TAF2: variants seen among roughly 807,000 people sequenced by gnomAD.
TAF2 encodes the protein transcription initiation factor TFIID subunit 2.
Under a neutral mutation model 138.5 loss-of-function variants are expected in TAF2, and 61 were observed. That is an observed-to-expected ratio of 0.44 (90% CI 0.36 to 0.54). The LOEUF (loss-of-function observed/expected upper bound fraction) is 0.54, where lower values mean the gene tolerates loss of function less well. Among genes scored for constraint, TAF2 ranks in the 20% least tolerant of loss-of-function variants. TAF2 has a pLI of 0.00. For missense variants in TAF2, 1,090 were observed against 1,427.9 expected (o/e 0.76, Z 3.81); for synonymous variants, 475 against 469.9 (o/e 1.01, Z -0.14).
At chr8:119,755,855 C>A in intron 22 of TAF2, 151 bp downstream of exon 22, 2 of 635,140 alleles carry the variant, frequency 3.1e-6, no homozygotes, top group South Asian at 1.9e-5. Flanking sequence ...GTTATCACAG[C>A]CACCACTGTG....
intron 3 of TAF2, among the ~76,000 whole-genome samples, chr8:119,817,474 G>C (rs1172392077): frequency 6.6e-6 from 1 of 152,036 alleles, no homozygotes; most frequent in East Asian, 1.9e-4. Context: ...CTGCCCCCCT[G>C]GTCCGTGGAA....
intron 12 of TAF2, 45 bp downstream of exon 12, chr8:119,789,547 C>G (rs1338820337): frequency 1.2e-6 from 2 of 1,608,444 alleles, no homozygotes; most frequent in Admixed American, 3.3e-5. Context: ...GCACACATAC[C>G]TTATTCCCTT....
chr8:119,811,728 C>T (rs1193066307), intron 3 of TAF2, among the ~76,000 whole-genome samples: 1 of 150,032 alleles, frequency 6.7e-6, no homozygotes, highest in African/African-American at 2.5e-5. Context: ...ATGGCATGAA[C>T]CCAAGAGGCG....
chr8:119,742,803 T>C, intron 24 of TAF2, 147 bp from the exon 25 acceptor site: 1 of 1,142,416 alleles, frequency 8.8e-7, no homozygotes, highest in Non-Finnish European at 1.2e-6. Context: ...GAATACTAGC[T>C]GGGTGGAGTG....
intron 18 of TAF2, among the ~76,000 whole-genome samples, chr8:119,773,638 T>G (rs1822003254): frequency 1.3e-5 from 2 of 151,498 alleles, no homozygotes; most frequent in Non-Finnish European, 2.9e-5. Context: ...AAATAACTTC[T>G]AAAATAATGA....
intron 5 of TAF2, among the ~76,000 whole-genome samples, chr8:119,803,096 G>A (rs1164903834): frequency 5.3e-5 from 8 of 152,136 alleles, no homozygotes; most frequent in Non-Finnish European, 1.0e-4. Context: ...GGACAACAGA[G>A]TGAGACTCTG....
At chr8:119,822,105 T>C (rs1202542329) in intron 2 of TAF2, among the ~76,000 whole-genome samples, 2 of 152,176 alleles carry the variant, frequency 1.3e-5, no homozygotes, top group Admixed American at 1.3e-4. Context: ...ATGCTTTTGT[T>C]ATTCTTTTCT....
At chr8:119,811,344 T>A in intron 3 of TAF2, among the ~76,000 whole-genome samples, 1 of 152,058 alleles carries the variant, frequency 6.6e-6, no homozygotes, top group South Asian at 2.1e-4. Flanking sequence ...TTGTAAACTT[T>A]CCCTCTATTT....
At chr8:119,788,221 AC>A (rs1823163223) in intron 14 of TAF2, 116 bp downstream of exon 14, 1 of 862,984 alleles carries the variant, frequency 1.2e-6, no homozygotes, top group South Asian at 1.4e-5. Flanking sequence ...CATGTATCCC[AC>A]AACTTAAAGT....
At chr8:119,814,611 C>T (rs574015667) in intron 3 of TAF2, among the ~76,000 whole-genome samples, 10 of 151,664 alleles carry the variant, frequency 6.6e-5, no homozygotes, top group Admixed American at 2.6e-4. Flanking sequence ...AAGGGCTTCT[C>T]GGCTGGATGT....
chr8:119,831,935 C>A (rs779542417), intron 1 of TAF2, among the ~76,000 whole-genome samples: 2 of 151,956 alleles, frequency 1.3e-5, no homozygotes, highest in Non-Finnish European at 2.9e-5. Flanking sequence ...CCACGGCAAG[C>A]GGATCACGAG....
At chr8:119,732,711 G>C (rs1369706743) in intron 25 of TAF2, among the ~76,000 whole-genome samples, 2 of 152,124 alleles carry the variant, frequency 1.3e-5, no homozygotes, top group African/African-American at 4.8e-5. Context: ...GGCTGAGGTA[G>C]GAGAATCACT....
In TAF2 at chr8:119,797,703, A is replaced by G; in HGVS notation, c.936T>C (p.Ala312=). The G allele has an allele frequency of 6.2e-7, 1 of 1,613,592 alleles. No homozygotes were observed. Among genetic ancestry groups the G allele is most frequent in the Middle Eastern group, 1.7e-4 (1 of 6,058 alleles). The change falls in exon 7 of 26, where the codon GCT becomes GCC. Residue 312 remains alanine (A), a synonymous_variant. Coordinates refer to ENST00000378164, the MANE Select transcript of TAF2 (RefSeq NM_003184.4). The part of the protein sequence containing the change: ...SCFKTVFIDE[A]YVEVAAYASM... Reference sequence around the variant, plus strand: ...AAGCATAAGCAGCCACTTCAACATAAGCCTCATCAATGAAGACAGTCTTAA... The same window carrying G: ...AAGCATAAGCAGCCACTTCAACATAGGCCTCATCAATGAAGACAGTCTTAA...
chr8:119,814,979 C>T lies in TAF2; in HGVS notation c.299+4367G>A, dbSNP rs142604670. 7.6e-3 allele frequency among the ~76,000 whole-genome samples: 1,149 copies of T among 150,926 alleles called. 16 individuals carry two copies. Among genetic ancestry groups the T allele is most frequent in the African/African-American group, 0.026 (1,083 of 41,126 alleles). On this transcript the variant is annotated intron_variant, in intron 3 of 25. Coordinates refer to ENST00000378164, the MANE Select transcript of TAF2 (RefSeq NM_003184.4). Reference sequence around the variant, plus strand: ...AAGCCTGGCCAGGTGCAGTGGCTCACGCCTGTAATCCCAGAACTTTGGGAG... The same window carrying T: ...AAGCCTGGCCAGGTGCAGTGGCTCATGCCTGTAATCCCAGAACTTTGGGAG...
chr8:119,768,356 C>T (rs1390859672), intron 18 of TAF2, among the ~76,000 whole-genome samples: 1 of 152,212 alleles, frequency 6.6e-6, no homozygotes, highest in Admixed American at 6.5e-5. Flanking sequence ...GAAGGTGCAT[C>T]ATTAACTTTT....
chr8:119,762,449 G>A lies in TAF2; in HGVS notation c.2524C>T (p.Leu842Phe). The A allele has an allele frequency of 6.2e-7, 1 of 1,613,968 alleles. No homozygotes were observed. The highest frequency in any genetic ancestry group is 8.5e-7 in the Non-Finnish European group (1 of 1,179,920). ...EITRFLNMEK[L>F]LPSYRHTITV... ...ATGGTATGCCTGTAACTCGGAAGAA[G>A]TTTTTCCATATTCAAAAATCTGGTG... The change falls in exon 19 of 26, where the codon CTT becomes TTT. Residue 842 changes from leucine (L) to phenylalanine (F), a missense_variant. Leu to Phe is a conservative substitution (Grantham distance 22). Coordinates refer to ENST00000378164, the MANE Select transcript of TAF2 (RefSeq NM_003184.4).
intron 17 of TAF2, among the ~76,000 whole-genome samples, chr8:119,778,634 T>C (rs1277181351): frequency 6.6e-6 from 1 of 152,206 alleles, no homozygotes; most frequent in Non-Finnish European, 1.5e-5. Context: ...ACGATATAAG[T>C]AGGTGGAGCC....
intron 3 of TAF2, among the ~76,000 whole-genome samples, chr8:119,811,987 T>G (rs1217960347): frequency 6.6e-6 from 1 of 152,038 alleles, no homozygotes; most frequent in Non-Finnish European, 1.5e-5. Flanking sequence ...TTTTTAAATT[T>G]AGAGCGTTTA....
intron 20 of TAF2, among the ~76,000 whole-genome samples, chr8:119,759,796 T>C (rs1319657102): frequency 2.0e-5 from 3 of 152,118 alleles, no homozygotes; most frequent in Non-Finnish European, 2.9e-5. Flanking sequence ...CAAGGCTACA[T>C]GAGCAACAAC....
Sources: gnomAD v4.1 joint callset for allele counts (sites outside exome capture counted in the v4.1 genomes callset) on GRCh38, gnomAD v4.1.1 for gene constraint, MANE v1.5 for transcripts, NCBI Gene and HGNC (gene_info 2026-07-23, HGNC 2026-07-21) for gene names.